LIMK2: variants seen among roughly 807,000 people sequenced by gnomAD.
LIMK2 encodes LIM domain kinase 2.
A neutral mutation model predicts 75.7 loss-of-function variants in LIMK2; 35 were observed. The ratio of observed to expected loss-of-function variants is 0.46; its 90% confidence interval spans 0.35 to 0.61. The LOEUF is 0.61. LIMK2 is among the 20% of genes least tolerant of loss of function. LIMK2 has a pLI of 0.00. For missense variants in LIMK2, 623 were observed against 831.0 expected (o/e 0.75, Z 3.08); for synonymous variants, 301 against 319.2 (o/e 0.94, Z 0.61).
intron 1 of LIMK2, among the ~76,000 whole-genome samples, chr22:31,220,917 T>G (rs1332911895): frequency 1.3e-5 from 2 of 152,178 alleles, no homozygotes; most frequent in East Asian, 3.8e-4. Flanking sequence ...TGAGCCGAGA[T>G]TGTGCCATTG....
intron 2 of LIMK2, among the ~76,000 whole-genome samples, chr22:31,237,217 C>T (rs1266144291): frequency 4.2e-5 from 6 of 144,268 alleles, no homozygotes; most frequent in African/African-American, 1.3e-4. Context: ...GCTGAGATCG[C>T]GCCACTGCAG....
At chr22:31,253,568 C>CCA (rs1467559912) in intron 2 of LIMK2, among the ~76,000 whole-genome samples, 2 of 152,216 alleles carry the variant, frequency 1.3e-5, no homozygotes, top group African/African-American at 4.8e-5. Flanking sequence ...TGTCAGGGCT[C>CCA]CAGCTTCCTT....
intron 2 of LIMK2, among the ~76,000 whole-genome samples, chr22:31,230,835 A>G (rs1168586553): frequency 6.6e-6 from 1 of 152,158 alleles, no homozygotes; most frequent in Non-Finnish European, 1.5e-5. Flanking sequence ...GCTGAAAGCC[A>G]CATTCATTTT....
chr22:31,235,636 C>A (rs533207738), intron 2 of LIMK2, among the ~76,000 whole-genome samples: 3 of 152,054 alleles, frequency 2.0e-5, no homozygotes, highest in Admixed American at 1.3e-4. Flanking sequence ...CAATTCCAAT[C>A]GTAAGTTTGT....
intron 2 of LIMK2, among the ~76,000 whole-genome samples, chr22:31,255,833 T>G (rs2048772542): frequency 6.6e-6 from 1 of 152,142 alleles, no homozygotes; most frequent in South Asian, 2.1e-4. Context: ...AGTAATAGGA[T>G]GCTATTAGTT....
chr22:31,275,038 T>C, intron 14 of LIMK2, 113 bp from the exon 15 acceptor site: 1 of 1,024,206 alleles, frequency 9.8e-7, no homozygotes, highest in Non-Finnish European at 1.5e-6. Flanking sequence ...CTAACCTATT[T>C]TACCACCTCC....
chr22:31,276,336 T>TATTGGTTA (rs2049015253), intron 15 of LIMK2, among the ~76,000 whole-genome samples: 1 of 152,120 alleles, frequency 6.6e-6, no homozygotes, highest in Non-Finnish European at 1.5e-5. Flanking sequence ...TCTTCTGTAA[T>TATTGGTTA]CTCCCTTAAC....
chr22:31,212,348 G>A lies in LIMK2; in HGVS notation c.-61G>A. 1 of 1,323,148 alleles carries A rather than the reference G, an allele frequency of 7.6e-7. No individual in the cohort carries two copies. Among genetic ancestry groups the A allele is most frequent in the Non-Finnish European group, 9.7e-7 (1 of 1,027,720 alleles). The allele number at this position is 1,323,148 out of a possible 1,614,324, so 82.0% of individuals were successfully genotyped here. On this transcript the variant is annotated 5_prime_UTR_variant, in exon 1 of 16. Transcript: ENST00000331728. ...GGCAGGAGCTGAGGGGAGTTGTAGGGAACTGAGGGGAGCTGCTGTGTCCCC... is the reference window on the plus strand; with the variant it reads ...GGCAGGAGCTGAGGGGAGTTGTAGGAAACTGAGGGGAGCTGCTGTGTCCCC...
At chr22:31,276,771 C>T (rs2049028097) in intron 15 of LIMK2, 1 of 1,600,588 alleles carries the variant, frequency 6.2e-7, no homozygotes, top group Non-Finnish European at 8.5e-7. Context: ...CGGCCAAGGA[C>T]CACGCATCTA....
At chr22:31,213,841 A>C (rs1376640489) in intron 1 of LIMK2, among the ~76,000 whole-genome samples, 3 of 136,328 alleles carry the variant, frequency 2.2e-5, no homozygotes, top group Non-Finnish European at 4.7e-5. Flanking sequence ...TCTTAGATGG[A>C]GTCTTGCTCT....
intron 5 of LIMK2, 142 bp downstream of exon 5, chr22:31,260,219 A>T: frequency 1.5e-6 from 1 of 667,856 alleles, no homozygotes. Flanking sequence ...ACTATGCTGT[A>T]ACCGTACCTG....
intron 2 of LIMK2, among the ~76,000 whole-genome samples, chr22:31,255,993 T>TA (rs1166137602): frequency 1.9e-5 from 2 of 103,922 alleles, no homozygotes; most frequent in Non-Finnish European, 3.9e-5. Context: ...TTTTTTTTTT[T>TA]TTTTTTTTTT....
chr22:31,266,096 G>A lies in LIMK2; in HGVS notation c.1005G>A (p.Glu335=), dbSNP rs1262568244. Residue 335 remains glutamate, a synonymous_variant, in exon 8 of 16, where the codon GAG becomes GAA. Coordinates refer to ENST00000331728, the MANE Select transcript of LIMK2 (RefSeq NM_005569.4). ...IFRPCDLIHG[E]VLGKGFFGQA... ...GGCCCTGTGACCTAATCCATGGGGA[G>A]GTCCTGGGGAAGGGCTTCTTTGGGC... 4 of 1,614,088 alleles carry A rather than the reference G, an allele frequency of 2.5e-6. No individual in the cohort carries two copies. In the Admixed American group the frequency reaches 6.7e-5, roughly 27 times the overall value.
At chr22:31,238,114 C>CAAAAAA (rs34428618) in intron 2 of LIMK2, among the ~76,000 whole-genome samples, 1 of 80,556 alleles carries the variant, frequency 1.2e-5, no homozygotes, top group Non-Finnish European at 2.8e-5. Flanking sequence ...GACACTGTCT[C>CAAAAAA]AAAAAAAAAA....
At chr22:31,238,974 A>G (rs1416040951) in intron 2 of LIMK2, among the ~76,000 whole-genome samples, 1 of 152,244 alleles carries the variant, frequency 6.6e-6, no homozygotes, top group Non-Finnish European at 1.5e-5. Flanking sequence ...TCTAATTAGT[A>G]TCATGGAGCA....
chr22:31,248,210 C>T, intron 2 of LIMK2: 1 of 463,354 alleles, frequency 2.2e-6, no homozygotes, highest in Non-Finnish European at 3.6e-6. Flanking sequence ...GCAGCGCCTG[C>T]CTGCAGCCTC....
At chr22:31,237,047 G>A (rs1354457420) in intron 2 of LIMK2, among the ~76,000 whole-genome samples, 2 of 145,592 alleles carry the variant, frequency 1.4e-5, no homozygotes, top group Non-Finnish European at 3.0e-5. Context: ...GGATCACAAG[G>A]TCAGGAGATC....
intron 11 of LIMK2, among the ~76,000 whole-genome samples, chr22:31,269,841 T>C (rs1325293311): frequency 6.6e-6 from 1 of 150,862 alleles, no homozygotes; most frequent in Non-Finnish European, 1.5e-5. Flanking sequence ...GTCCAGGGAA[T>C]GGAGCCCTGC....
At chr22:31,226,613 A>G (rs921263706) in intron 2 of LIMK2, among the ~76,000 whole-genome samples, 49 of 152,176 alleles carry the variant, frequency 3.2e-4, no homozygotes, top group African/African-American at 1.1e-3. Flanking sequence ...TATTATTATT[A>G]TTGTTATTAT....
Sources: gnomAD v4.1 joint callset for allele counts (sites outside exome capture counted in the v4.1 genomes callset) on GRCh38, gnomAD v4.1.1 for gene constraint, MANE v1.5 for transcripts, NCBI Gene and HGNC (gene_info 2026-07-23, HGNC 2026-07-21) for gene names.